Variants in GRM1 observed in about 807,000 individuals in gnomAD.
GRM1 encodes glutamate metabotropic receptor 1.
A neutral mutation model predicts 90.9 loss-of-function variants in GRM1; 33 were observed. The ratio of observed to expected loss-of-function variants is 0.36; its 90% CI spans 0.28 to 0.49. The LOEUF is 0.49. Among genes scored for constraint, GRM1 ranks in the 20% least tolerant of loss-of-function variants. GRM1 has a pLI of 0.99. For synonymous variants in GRM1, 700 were observed against 613.2 expected (o/e 1.14, Z -2.09); for missense variants, 1,190 against 1,534.3 (o/e 0.78, Z 3.75).
intron 3 of GRM1, among the ~76,000 whole-genome samples, chr6:146,310,569 C>T (rs1388503909): frequency 6.6e-6 from 1 of 152,168 alleles, no homozygotes; most frequent in East Asian, 1.9e-4. Flanking sequence ...TGAAATATGG[C>T]TTTGTAGCAT....
intron 2 of GRM1, among the ~76,000 whole-genome samples, chr6:146,236,105 G>T (rs1021479449): frequency 1.3e-5 from 2 of 152,134 alleles, no homozygotes; most frequent in South Asian, 2.1e-4. Context: ...CAGAATATAG[G>T]CTTCTAATTC....
At chr6:146,036,050 C>T (rs752140258) in intron 1 of GRM1, among the ~76,000 whole-genome samples, 32 of 151,858 alleles carry the variant, frequency 2.1e-4, no homozygotes, top group Non-Finnish European at 2.5e-4. Context: ...ATGTTTCTAC[C>T]GTGTGGCTTG....
At chr6:146,067,847 A>G (rs180720324) in intron 1 of GRM1, among the ~76,000 whole-genome samples, 1 of 152,204 alleles carries the variant, frequency 6.6e-6, no homozygotes, top group Non-Finnish European at 1.5e-5. Flanking sequence ...CCCAAACCTG[A>G]TAAGTTTATA....
chr6:146,317,081 C>T (rs1319385354), intron 3 of GRM1, among the ~76,000 whole-genome samples: 1 of 152,184 alleles, frequency 6.6e-6, no homozygotes, highest in Non-Finnish European at 1.5e-5. Flanking sequence ...TGAAAAGCCA[C>T]AGTCTTAGTC....
chr6:146,344,785 A>G (rs1785110125), intron 3 of GRM1, among the ~76,000 whole-genome samples: 1 of 151,838 alleles, frequency 6.6e-6, no homozygotes, highest in African/African-American at 2.4e-5. Flanking sequence ...AATCCACAGT[A>G]TATCTTTTTC....
intron 1 of GRM1, among the ~76,000 whole-genome samples, chr6:146,065,097 T>A (rs527311661): frequency 3.9e-5 from 6 of 152,210 alleles, no homozygotes; most frequent in Non-Finnish European, 8.8e-5. Context: ...GTGTCATCTT[T>A]CAGTTATGAA....
chr6:146,292,252 G>A (rs1267346735), intron 2 of GRM1, among the ~76,000 whole-genome samples: 5 of 151,856 alleles, frequency 3.3e-5, no homozygotes, highest in Admixed American at 3.3e-4. Context: ...TCTTAGCTAT[G>A]ACATCAAATG....
chr6:146,119,678 C>A (rs376692079), intron 1 of GRM1, among the ~76,000 whole-genome samples: 1 of 152,196 alleles, frequency 6.6e-6, no homozygotes, highest in Non-Finnish European at 1.5e-5. Flanking sequence ...GTTTTCCCAG[C>A]ACCATTTATT....
chr6:146,165,792 A>G (rs1777884086), intron 2 of GRM1, among the ~76,000 whole-genome samples: 1 of 152,176 alleles, frequency 6.6e-6, no homozygotes, highest in Admixed American at 6.6e-5. Flanking sequence ...TTTGTAAGAT[A>G]TCAACAGGTA....
At chr6:146,286,599 A>T (rs752775881) in intron 2 of GRM1, among the ~76,000 whole-genome samples, 1 of 152,222 alleles carries the variant, frequency 6.6e-6, no homozygotes, top group Admixed American at 6.5e-5. Flanking sequence ...TCAGTGGAAA[A>T]ATACACTTTC....
In GRM1 at chr6:146,289,113, TA is replaced by T. The variant is rs199971126; in HGVS notation, c.951-15489del. Among the ~76,000 whole-genome samples the T allele has an allele frequency of 6.6e-3, 1,002 of 150,970 alleles. 8 individuals are homozygous for T. The highest frequency in any genetic ancestry group is 0.022 in the African/African-American group (892 of 41,208). ...TTTGGAGTATCCTCCTTCTACATACTAAAAAAAAAGGTTAAGTGTAAAATCG... is the reference window on the plus strand; with the variant it reads ...TTTGGAGTATCCTCCTTCTACATACTAAAAAAAAGGTTAAGTGTAAAATCG... On this transcript the variant is annotated intron_variant, in intron 2 of 7. Transcript: ENST00000282753.
intron 2 of GRM1, among the ~76,000 whole-genome samples, chr6:146,197,136 G>A (rs1583150356): frequency 1.3e-5 from 2 of 152,192 alleles, no homozygotes; most frequent in South Asian, 4.1e-4. Flanking sequence ...ACTCAGAAAC[G>A]AGAACAGGTG....
chr6:146,196,873 G>C (rs1314439273), intron 2 of GRM1, among the ~76,000 whole-genome samples: 2 of 152,128 alleles, frequency 1.3e-5, no homozygotes, highest in Admixed American at 6.5e-5. Context: ...CATTTGTTAA[G>C]AATCGATACA....
chr6:146,182,464 G>A (rs1334182525), intron 2 of GRM1, among the ~76,000 whole-genome samples: 2 of 152,044 alleles, frequency 1.3e-5, no homozygotes, highest in African/African-American at 4.8e-5. Context: ...TATCTGAATT[G>A]GAAATATACT....
At chr6:146,073,812 T>A (rs574806205) in intron 1 of GRM1, among the ~76,000 whole-genome samples, 1 of 152,250 alleles carries the variant, frequency 6.6e-6, no homozygotes, top group East Asian at 1.9e-4. Flanking sequence ...TCTGGAATGA[T>A]GAAATTCTGG....
intron 5 of GRM1, among the ~76,000 whole-genome samples, chr6:146,383,454 G>T (rs1776391444): frequency 6.6e-6 from 1 of 152,056 alleles, no homozygotes; most frequent in African/African-American, 2.4e-5. Context: ...TAAGACAGTA[G>T]CATTTACTTA....
At chr6:146,286,037 C>T (rs908156363) in intron 2 of GRM1, among the ~76,000 whole-genome samples, 1 of 152,120 alleles carries the variant, frequency 6.6e-6, no homozygotes, top group Admixed American at 6.5e-5. Flanking sequence ...ACCTTTAGAA[C>T]ATTCAAACTA....
At chr6:146,161,805 G>A (rs1259917190) in intron 2 of GRM1, among the ~76,000 whole-genome samples, 3 of 152,150 alleles carry the variant, frequency 2.0e-5, no homozygotes, top group Admixed American at 1.3e-4. Flanking sequence ...TTTAATGAAA[G>A]CAGCCTTTAA....
chr6:146,302,707 T>C (rs1190125716), intron 2 of GRM1, among the ~76,000 whole-genome samples: 1 of 152,052 alleles, frequency 6.6e-6, no homozygotes, highest in Non-Finnish European at 1.5e-5. Flanking sequence ...TTTGTAATTC[T>C]TTTTTAGTGT....
Sources: gnomAD v4.1 joint callset for allele counts (sites outside exome capture counted in the v4.1 genomes callset) on GRCh38, gnomAD v4.1.1 for gene constraint, MANE v1.5 for transcripts, NCBI Gene and HGNC (gene_info 2026-07-23, HGNC 2026-07-21) for gene names.